Variants in DMD observed in about 807,000 individuals in gnomAD.
DMD encodes mutant dystrophin.
Under a neutral mutation model 330.1 loss-of-function variants are expected in DMD, and 63 were observed. The ratio of observed to expected loss-of-function variants is 0.19; its 90% CI spans 0.16 to 0.24. The LOEUF is 0.24. Ranked by LOEUF, DMD falls within the 10% of genes least tolerant of loss-of-function variation. The pLI, the probability that DMD is intolerant of heterozygous loss-of-function variation, is 1.00. For missense variants in DMD, 3,344 were observed against 2,684.1 expected (o/e 1.25, Z -5.43); for synonymous variants, 1,223 against 959.8 (o/e 1.27, Z -5.07).
chrX:31,803,926 C>T (rs1277122276), intron 50 of DMD, among the ~76,000 whole-genome samples: 1 of 109,861 alleles, frequency 9.1e-6, no homozygotes, highest in East Asian at 2.9e-4. Context: ...CTCAAACTCC[C>T]GACCTCAGGT....
At chrX:32,229,072 T>A (rs1194162846) in intron 43 of DMD, among the ~76,000 whole-genome samples, 2 of 14,381 alleles carry the variant, frequency 1.4e-4, no homozygotes, top group African/African-American at 7.5e-4. Flanking sequence ...GGATAGCTTA[T>A]AGTGTATGTT....
chrX:32,547,585 C>A (rs1303255393), intron 16 of DMD, among the ~76,000 whole-genome samples: 1 of 110,967 alleles, frequency 9.0e-6, no homozygotes, highest in East Asian at 2.8e-4. Flanking sequence ...AATTAATAAT[C>A]ACTCTCAAAA....
intron 1 of DMD, among the ~76,000 whole-genome samples, chrX:33,272,712 T>G (rs12850308): frequency 2.8e-5 from 3 of 108,582 alleles, no homozygotes; most frequent in Non-Finnish European, 3.8e-5. Context: ...CAGATTGTAA[T>G]TAGAGGTGGA....
chrX:32,171,787 T>G (rs1395124010), intron 44 of DMD, among the ~76,000 whole-genome samples: 1 of 111,834 alleles, frequency 8.9e-6, no homozygotes, highest in East Asian at 2.8e-4. Context: ...ATTTCAGAAT[T>G]CGTTTTTATC....
rs761526594 is a variant in DMD, at chrX:32,550,705, G to C, written c.1993-5371C>G. ...CAATGAATCTAGGAGCTGTTTCTTT[G>C]AAATAATTAATAATAAAGATAGACC... On this transcript the variant is annotated intron_variant, in intron 16 of 78. Coordinates refer to ENST00000357033, the MANE Select transcript of DMD (RefSeq NM_004006.3). Among the ~76,000 whole-genome samples, 268 of 109,771 alleles carry C rather than the reference G, an allele frequency of 2.4e-3. 1 individual carries two copies. The highest frequency in any genetic ancestry group is 4.9e-3 in the African/African-American group (148 of 30,281).
chrX:31,349,123 TATTA>T (rs1479296771), intron 60 of DMD, among the ~76,000 whole-genome samples: 17 of 112,720 alleles, frequency 1.5e-4, no homozygotes, highest in African/African-American at 4.5e-4. Context: ...TATTGATAAT[TATTA>T]ATTAACCAGT....
intron 11 of DMD, among the ~76,000 whole-genome samples, chrX:32,623,636 T>C (rs1013057647): frequency 9.3e-6 from 1 of 107,824 alleles, no homozygotes; most frequent in African/African-American, 3.4e-5. Flanking sequence ...CAAATGATCC[T>C]CCTGCCTCAG....
chrX:32,839,156 C>G (rs181395857), intron 4 of DMD, among the ~76,000 whole-genome samples: 2 of 111,095 alleles, frequency 1.8e-5, no homozygotes, highest in African/African-American at 6.6e-5. Context: ...CTCACCCCCA[C>G]CTTACTACCT....
intron 2 of DMD, among the ~76,000 whole-genome samples, chrX:32,891,853 G>A (rs759435228): frequency 4.5e-5 from 5 of 111,561 alleles, no homozygotes; most frequent in Middle Eastern, 4.6e-3. Context: ...CTGATTTGAG[G>A]TTCCTCAAAT....
intron 55 of DMD, among the ~76,000 whole-genome samples, chrX:31,576,080 T>C (rs1238780791): frequency 8.9e-6 from 1 of 111,967 alleles, no homozygotes; most frequent in Non-Finnish European, 1.9e-5. Context: ...TACAGAGACT[T>C]CTCACGCACC....
In DMD at chrX:33,319,181, T is replaced by C. The variant is rs765362329; in HGVS notation, c.7+20078A>G. Among the ~76,000 whole-genome samples, 25 of 111,278 alleles carry C rather than the reference T, an allele frequency of 2.2e-4. No homozygotes were observed. In the East Asian group the frequency reaches 6.8e-3, roughly 30 times the overall value. On this transcript the variant is annotated intron_variant, in intron 1 of 17. Coordinates refer to the DMD transcript ENST00000288447. Reference sequence around the variant, plus strand: ...TCTTGGACTTCCCAGCCTCCAGAACTTTGAGCAATGAATCTCTGTTGTTTC... The same window carrying C: ...TCTTGGACTTCCCAGCCTCCAGAACCTTGAGCAATGAATCTCTGTTGTTTC...
chrX:32,268,490 T>G (rs1208655197), intron 43 of DMD, among the ~76,000 whole-genome samples: 2 of 111,540 alleles, frequency 1.8e-5, no homozygotes, highest in Non-Finnish European at 3.8e-5. Context: ...AATTAAGCCC[T>G]AGTTCTCACA....
At chrX:32,495,096 C>A (rs2043359307) in intron 19 of DMD, among the ~76,000 whole-genome samples, 1 of 111,968 alleles carries the variant, frequency 8.9e-6, no homozygotes. Context: ...GTGGAAATTT[C>A]TAGATGTTAC....
chrX:31,790,159 G>A (rs1159597546), intron 50 of DMD, among the ~76,000 whole-genome samples: 6 of 111,817 alleles, frequency 5.4e-5, no homozygotes, highest in Admixed American at 2.9e-4. Context: ...ATACAAGAAC[G>A]TGAACAGAGG....
At chrX:31,422,901 G>C (rs187102144) in intron 60 of DMD, among the ~76,000 whole-genome samples, 80 of 110,134 alleles carry the variant, frequency 7.3e-4, no homozygotes, top group African/African-American at 2.5e-3. Context: ...GGGAGTTCTT[G>C]AACAATAAAC....
chrX:32,758,545 T>G (rs2071801359), intron 7 of DMD, among the ~76,000 whole-genome samples: 1 of 111,367 alleles, frequency 9.0e-6, no homozygotes, highest in Admixed American at 9.6e-5. Flanking sequence ...GCACAGCACT[T>G]GATCCATTGT....
At chrX:32,880,284 CAAA>C in intron 2 of DMD, among the ~76,000 whole-genome samples, 1 of 85,064 alleles carries the variant, frequency 1.2e-5, no homozygotes, top group Non-Finnish European at 2.3e-5. Context: ...CCAACAGGGC[CAAA>C]AAAAAAAAAG....
At chrX:31,748,045 A>G (rs1163369584) in intron 51 of DMD, among the ~76,000 whole-genome samples, 3 of 111,884 alleles carry the variant, frequency 2.7e-5, no homozygotes, top group African/African-American at 6.5e-5. Flanking sequence ...ACTGATAATC[A>G]TAAATAAATC....
chrX:32,604,714 T>C (rs1294550098), intron 12 of DMD, among the ~76,000 whole-genome samples: 1 of 109,543 alleles, frequency 9.1e-6, no homozygotes, highest in East Asian at 2.9e-4. Flanking sequence ...AGTTTCAGGA[T>C]ATGAAATCAA....
Sources: allele counts gnomAD v4.1 joint callset (sites outside exome capture counted in the v4.1 genomes callset), GRCh38; gene constraint gnomAD v4.1.1; transcripts MANE v1.5; gene names NCBI Gene and HGNC (gene_info 2026-07-23, HGNC 2026-07-21).